Variants in DNAH14 observed in about 807,000 individuals in gnomAD.
The protein encoded by DNAH14 is dynein axonemal heavy chain 14, also known as axonemal beta dynein heavy chain 14.
DNAH14 carries 478 observed loss-of-function variants against 520.9 expected under a neutral mutation model. The observed-to-expected ratio is 0.92, with a 90% CI of 0.85 to 0.99. The LOEUF (loss-of-function observed/expected upper bound fraction) is 0.99, where lower values mean the gene tolerates loss of function less well. DNAH14 is among the 50% of genes least tolerant of loss of function. The pLI, the probability that DNAH14 is intolerant of heterozygous loss-of-function variation, is 0.00. For synonymous variants in DNAH14, 1,581 were observed against 1,757.2 expected (o/e 0.90, Z 2.51); for missense variants, 4,831 against 5,234.5 (o/e 0.92, Z 2.38).
intron 50 of DNAH14, among the ~76,000 whole-genome samples, chr1:225,271,510 A>T (rs542472116): frequency 6.6e-6 from 1 of 152,260 alleles, no homozygotes; most frequent in African/African-American, 2.4e-5. Context: ...GAATTTTTCG[A>T]AGAATGTATA....
intron 23 of DNAH14, among the ~76,000 whole-genome samples, chr1:225,104,721 A>T (rs1051193801): frequency 9.9e-5 from 15 of 151,910 alleles, no homozygotes; most frequent in South Asian, 6.2e-4. Context: ...TCTGTGGGAT[A>T]GGTGGTGATG....
chr1:225,292,638 A>T (rs13376239), intron 55 of DNAH14, among the ~76,000 whole-genome samples: 6,291 of 152,160 alleles, frequency 0.041, 432 homozygotes, highest in African/African-American at 0.14. Flanking sequence ...TGTGAAGAAT[A>T]TCATTAGCAT....
At chr1:225,279,958 C>T (rs1033526318) in intron 54 of DNAH14, among the ~76,000 whole-genome samples, 2 of 150,816 alleles carry the variant, frequency 1.3e-5, no homozygotes, top group Non-Finnish European at 3.0e-5. Flanking sequence ...ACAAAAATGA[C>T]TCTTCAAATA....
intron 23 of DNAH14, among the ~76,000 whole-genome samples, chr1:225,105,252 A>G (rs902462156): frequency 2.2e-4 from 33 of 152,212 alleles, no homozygotes; most frequent in African/African-American, 7.5e-4. Context: ...TCTGAGAGAC[A>G]GTTTGTTATA....
chr1:225,374,987 T>C, intron 78 of DNAH14, 102 bp downstream of exon 78: 1 of 1,159,006 alleles, frequency 8.6e-7, no homozygotes, highest in East Asian at 2.6e-5. Flanking sequence ...TGTTCATTTT[T>C]AAAGGCTTTT....
chr1:225,335,851 A>G lies in DNAH14; in HGVS notation c.10081-1415A>G, dbSNP rs1356267078. Among the ~76,000 whole-genome samples, 14 of 47,944 alleles carry G rather than the reference A, an allele frequency of 2.9e-4. 1 individual carries two copies. Among genetic ancestry groups the G allele is most frequent in the African/African-American group, 8.1e-4 (10 of 12,366 alleles). The allele number at this position is 47,944 out of a possible 152,430, so 31.5% of individuals were successfully genotyped here. A position where few individuals can be genotyped will look rare whatever the true frequency, so the allele number is the denominator to read the frequency against. ...TATGTACATATATGTACATACACAT[A>G]TGTACATATATGTACATACACATAT... On this transcript the variant is annotated intron_variant, in intron 66 of 85. Transcript: ENST00000682510.
chr1:225,301,063 T>C, intron 56 of DNAH14, 33 bp downstream of exon 56: 1 of 1,533,252 alleles, frequency 6.5e-7, no homozygotes, highest in Non-Finnish European at 8.8e-7. Context: ...TATCAAATTG[T>C]CATGTTAAAA....
At chr1:225,262,175 C>T (rs960493789) in intron 46 of DNAH14, among the ~76,000 whole-genome samples, 1 of 150,754 alleles carries the variant, frequency 6.6e-6, no homozygotes, top group Admixed American at 6.6e-5. Flanking sequence ...ATGTCATTTG[C>T]CTGCCTTTTA....
rs1406495768 is a variant in DNAH14 at position 225,159,429 on chromosome 1, A to G, written c.5389A>G (p.Ile1797Val). 6.5e-7 allele frequency: 1 copy of G among 1,546,722 alleles called. No homozygotes were observed. Among genetic ancestry groups the G allele is most frequent in the Non-Finnish European group, 8.7e-7 (1 of 1,145,014 alleles). The change falls in exon 35 of 86, where the codon ATA (isoleucine) becomes GTA (valine). Residue 1797 changes from isoleucine (I) to valine (V), a missense_variant. Physicochemically the swap from Ile to Val is conservative, Grantham distance 29 (BLOSUM62 3). Transcript: ENST00000682510. ...PEDVPLFENI[I>V]GDIFPEVTVL... Reference sequence around the variant, plus strand: ...AGATGTCCCACTTTTTGAAAATATTATAGGAGATATTTTTCCAGAAGTGAC... The same window carrying G: ...AGATGTCCCACTTTTTGAAAATATTGTAGGAGATATTTTTCCAGAAGTGAC...
rs1306052475 is a variant in DNAH14 at position 225,364,835 on chromosome 1, T to C, written c.12031T>C (p.Trp4011Arg). 3.9e-6 allele frequency: 6 copies of C among 1,549,126 alleles called. No homozygotes were observed. Among genetic ancestry groups the C allele is most frequent in the Non-Finnish European group, 4.4e-6 (5 of 1,146,158 alleles). Residue 4011 changes from tryptophan to arginine, a missense_variant, in exon 76 of 86, where the codon TGG (tryptophan) becomes CGG (arginine). Transcript: ENST00000682510. ...GACAATAGACCCTGAGTTTCGGCTA[T>C]GGTTAAGCTCAAAATCATACAGTTC... ...NVTIDPEFRL[W>R]LSSKSYSSFP...
intron 21 of DNAH14, among the ~76,000 whole-genome samples, chr1:225,093,120 A>C (rs1183486137): frequency 6.6e-6 from 1 of 152,174 alleles, no homozygotes; most frequent in African/African-American, 2.4e-5. Flanking sequence ...AAAGTTCAGG[A>C]GGAGGGACTC....
At position 225,109,944 on chromosome 1, in the gene DNAH14, A is replaced by G. The variant is rs570050763; in HGVS notation, c.3868-7740A>G. 9.2e-5 allele frequency among the ~76,000 whole-genome samples: 14 copies of G among 152,220 alleles called. No individual in the cohort carries two copies. The South Asian group carries it at 2.7e-3, about 29-fold the overall frequency. On this transcript the variant is annotated intron_variant, in intron 23 of 85. Coordinates refer to ENST00000682510, the MANE Select transcript of DNAH14 (RefSeq NM_001367479.1). The stretch of plus-strand genomic sequence containing the variant: ...TATCAGCATCAATTGAAATGATCAT[A>G]TGGTTTTTGTTCTTTATTCTGTTGA...
chr1:225,218,542 A>G (rs1163058550), intron 41 of DNAH14, among the ~76,000 whole-genome samples: 1 of 152,194 alleles, frequency 6.6e-6, no homozygotes, highest in Admixed American at 6.5e-5. Flanking sequence ...CTTTTAACCA[A>G]CAAAGCTCCA....
At chr1:225,161,566 GT>G (rs2081524974) in intron 35 of DNAH14, among the ~76,000 whole-genome samples, 2 of 152,142 alleles carry the variant, frequency 1.3e-5, no homozygotes, top group African/African-American at 4.8e-5. Flanking sequence ...TCTGTTTTTA[GT>G]TTTTTGACCA....
chr1:225,361,020 T>G (rs1364339327), intron 75 of DNAH14, 129 bp downstream of exon 75: 1 of 808,868 alleles, frequency 1.2e-6, no homozygotes, highest in East Asian at 2.7e-5. Context: ...CAGATGAAAC[T>G]TAACCTATCT....
chr1:225,252,465 A>T, intron 44 of DNAH14, 48 bp downstream of exon 44: 1 of 1,042,734 alleles, frequency 9.6e-7, no homozygotes, highest in East Asian at 2.6e-5. Context: ...AATATTGGGT[A>T]TACTCTATTC....
At chr1:225,138,285 T>C (rs1360842121) in intron 27 of DNAH14, among the ~76,000 whole-genome samples, 1 of 152,186 alleles carries the variant, frequency 6.6e-6, no homozygotes, top group African/African-American at 2.4e-5. Context: ...CTTCACAGCC[T>C]GCCAGCTGCA....
At chr1:225,376,970 G>GTT (rs5781402) in intron 78 of DNAH14, among the ~76,000 whole-genome samples, 8,134 of 149,542 alleles carry the variant, frequency 0.054, 226 homozygotes, top group East Asian at 0.075. Flanking sequence ...CCTTTAAAGC[G>GTT]TTTTTTTTTT....
chr1:225,342,970 G>A (rs538217063), intron 69 of DNAH14, among the ~76,000 whole-genome samples: 12 of 151,990 alleles, frequency 7.9e-5, no homozygotes, highest in Non-Finnish European at 1.6e-4. Flanking sequence ...TCACCACGCT[G>A]CCTTGGACTT....
Sources: gnomAD v4.1 joint callset for allele counts (sites outside exome capture counted in the v4.1 genomes callset) on GRCh38, gnomAD v4.1.1 for gene constraint, MANE v1.5 for transcripts, NCBI Gene and HGNC (gene_info 2026-07-23, HGNC 2026-07-21) for gene names.